CTNNA1: variants seen among roughly 807,000 people sequenced by gnomAD.
The protein encoded by CTNNA1 is catenin alpha-1.
A neutral mutation model predicts 98.4 loss-of-function variants in CTNNA1; 37 were observed. The ratio of observed to expected loss-of-function variants is 0.38; its 90% CI spans 0.29 to 0.49. CTNNA1 has a LOEUF of 0.49. Among genes scored for constraint, CTNNA1 ranks in the 20% least tolerant of loss-of-function variants. The pLI is 0.95. For synonymous variants in CTNNA1, 404 were observed against 413.2 expected, an observed-to-expected ratio of 0.98 and a Z score of 0.27; for missense variants, 761 against 1,147.2, an observed-to-expected ratio of 0.66 and a Z score of 4.86.
chr5:138,882,069 T>C (rs1753022663), intron 7 of CTNNA1, among the ~76,000 whole-genome samples: 1 of 152,224 alleles, frequency 6.6e-6, no homozygotes, highest in Non-Finnish European at 1.5e-5. Flanking sequence ...AATTGGTTAT[T>C]GGTTTCTCAT....
chr5:138,757,605 G>A (rs1295300576), intron 1 of CTNNA1, among the ~76,000 whole-genome samples: 1 of 152,130 alleles, frequency 6.6e-6, no homozygotes, highest in Non-Finnish European at 1.5e-5. Context: ...TTCGTTTCTG[G>A]TAGCAAATTT....
Position 138,874,946 on chromosome 5 carries a change from G to T in CTNNA1, c.1063-11266G>T. The T allele has an allele frequency of 6.2e-7, 1 of 1,612,804 alleles. No homozygotes were observed. ...CACATTGGAGGCTGCATTCAGTCGC[G>T]GTTGTTAGACTCAACGCAGTGAGTC... On this transcript the variant is annotated intron_variant, in intron 7 of 17. Transcript: ENST00000302763. The surrounding 1 kb of genome is among the most constrained non-coding windows in gnomAD (Gnocchi z 4.1).
At chr5:138,928,110 C>T (rs1764520223) in intron 13 of CTNNA1, among the ~76,000 whole-genome samples, 1 of 152,168 alleles carries the variant, frequency 6.6e-6, no homozygotes, top group Non-Finnish European at 1.5e-5. Context: ...TTGGGCTGGG[C>T]TTGGACTATG....
At chr5:138,877,987 T>A (rs1033420336) in intron 7 of CTNNA1, among the ~76,000 whole-genome samples, 3 of 152,188 alleles carry the variant, frequency 2.0e-5, no homozygotes, top group African/African-American at 7.2e-5. Context: ...GCCCTTAAAC[T>A]CTTGGTTTTT....
At chr5:138,844,204 C>T (rs4835708) in intron 7 of CTNNA1, among the ~76,000 whole-genome samples, 98,761 of 151,898 alleles carry the variant, frequency 0.65, 32,878 homozygotes, top group East Asian at 0.93. Flanking sequence ...CTGTGTTGCT[C>T]AGGCTGGTCT....
chr5:138,775,212 T>C (rs972894103), intron 1 of CTNNA1, among the ~76,000 whole-genome samples: 3 of 152,186 alleles, frequency 2.0e-5, no homozygotes, highest in East Asian at 1.9e-4. Flanking sequence ...TGCTAGGATA[T>C]GTAGGATCCA....
rs1168548486 is a variant in CTNNA1, at chr5:138,791,787, C to CTTT, written c.301+8433_301+8435dup. Among the ~76,000 whole-genome samples, 119 of 92,230 alleles carry CTTT rather than the reference C, an allele frequency of 1.3e-3. 2 individuals carry two copies. The highest frequency in any genetic ancestry group is 3.8e-3 in the African/African-American group (86 of 22,512). The allele number at this position is 92,230 out of a possible 152,430, so 60.5% of individuals were successfully genotyped here. A position where few individuals can be genotyped will look rare whatever the true frequency, so the allele number is the denominator to read the frequency against. ...ACTCTAATGGTACTTGTTTTCTCAG[C>CTTT]TTTTTTTTTTTTTTTTTTTTAGAGA... is the stretch of plus-strand genomic sequence containing the variant. On this transcript the variant is annotated intron_variant, in intron 3 of 17. Transcript: ENST00000302763.
intron 7 of CTNNA1, among the ~76,000 whole-genome samples, chr5:138,836,984 T>C (rs2149806703): frequency 6.6e-6 from 1 of 152,326 alleles, no homozygotes; most frequent in South Asian, 2.1e-4. Context: ...TCTTAGATTT[T>C]TAGGTTTTGT....
intron 1 of CTNNA1, among the ~76,000 whole-genome samples, chr5:138,756,130 C>G (rs542494981): frequency 6.6e-6 from 1 of 151,912 alleles, no homozygotes. Context: ...CCCGTGCCTC[C>G]TGGGTTCAAG....
In CTNNA1 at chr5:138,777,255, C is replaced by A. The variant is rs1307523494; in HGVS notation, c.-2-4668C>A. Among the ~76,000 whole-genome samples, 14 of 127,846 alleles carry A rather than the reference C, an allele frequency of 1.1e-4. No individual in the cohort carries two copies. The East Asian group carries it at 1.3e-3, about 12-fold the overall frequency. The allele number at this position is 127,846 out of a possible 152,430, so 83.9% of individuals were successfully genotyped here. A position where few individuals can be genotyped will look rare whatever the true frequency, so the allele number is the denominator to read the frequency against. On this transcript the variant is annotated intron_variant, in intron 1 of 17. Coordinates refer to ENST00000302763, the MANE Select transcript of CTNNA1 (RefSeq NM_001903.5). ...GCAGAGGCGCTCCCCACATCTCAGACGATGGGCGGCCGGGCAGAGACGCTC... is the reference window on the plus strand; with the variant it reads ...GCAGAGGCGCTCCCCACATCTCAGAAGATGGGCGGCCGGGCAGAGACGCTC...
intron 10 of CTNNA1, among the ~76,000 whole-genome samples, chr5:138,910,173 C>T (rs1185826427): frequency 6.7e-6 from 1 of 149,270 alleles, no homozygotes; most frequent in Admixed American, 6.7e-5. Flanking sequence ...TAAGGCTTGC[C>T]TGTTGCTTTG....
rs1554089793 is a variant in CTNNA1 at position 138,852,865 on chromosome 5, G to GTGCGCACGCGCACACACACA, written c.1062+25147_1062+25148insTGCGCACGCGCACACACACA. On this transcript the variant is annotated intron_variant, in intron 7 of 17. Coordinates refer to ENST00000302763, the MANE Select transcript of CTNNA1 (RefSeq NM_001903.5). ...CTGCTTCCCTTCCCTCTTTTCGCGC[G>GTGCGCACGCGCACACACACA]CGCGCGCACACACACATTTTTGCAT... is the stretch of plus-strand genomic sequence containing the variant. Among the ~76,000 whole-genome samples the GTGCGCACGCGCACACACACA allele has an allele frequency of 5.0e-3, 761 of 151,700 alleles. 13 individuals are homozygous for GTGCGCACGCGCACACACACA. The highest frequency in any genetic ancestry group is 0.042 in the East Asian group (212 of 5,106).
At chr5:138,883,898 A>G (rs878883542) in intron 7 of CTNNA1, among the ~76,000 whole-genome samples, 2 of 152,206 alleles carry the variant, frequency 1.3e-5, no homozygotes, top group Admixed American at 1.3e-4. Flanking sequence ...AGATCCTGGT[A>G]TTTTGAGCTT....
At chr5:138,917,650 G>C in intron 10 of CTNNA1, 92 bp from the exon 11 acceptor site, 1 of 1,280,198 alleles carries the variant, frequency 7.8e-7, no homozygotes, top group Non-Finnish European at 1.1e-6. Flanking sequence ...TTAGGATAGA[G>C]CATGTGGTGT....
At chr5:138,858,300 T>A (rs533655941) in intron 7 of CTNNA1, among the ~76,000 whole-genome samples, 14 of 152,182 alleles carry the variant, frequency 9.2e-5, no homozygotes, top group African/African-American at 3.4e-4. Context: ...TTAATTTTTT[T>A]ATTTTTTATA....
chr5:138,876,492 A>G (rs550366945), intron 7 of CTNNA1, among the ~76,000 whole-genome samples: 3 of 152,322 alleles, frequency 2.0e-5, no homozygotes, highest in African/African-American at 7.2e-5. Flanking sequence ...TATAAATGCA[A>G]AAGATGTTTC....
At chr5:138,811,626 C>G (rs1348207509) in intron 4 of CTNNA1, among the ~76,000 whole-genome samples, 1 of 152,166 alleles carries the variant, frequency 6.6e-6, no homozygotes, top group Non-Finnish European at 1.5e-5. Flanking sequence ...AGCCTGGGCA[C>G]TGTTGAGCAC....
In CTNNA1 at chr5:138,769,745, C is replaced by G. The variant is rs545410829; in HGVS notation, c.-2-12178C>G. 1.6e-4 allele frequency among the ~76,000 whole-genome samples: 24 copies of G among 152,128 alleles called. No individual in the cohort carries two copies. The South Asian group carries it at 4.6e-3, about 29-fold the overall frequency. ...ACAGGGTTTCTCCCTGTTGATCAGG[C>G]TGGTCTCGAACTCCCGACCTCAGGT... On this transcript the variant is annotated intron_variant, in intron 1 of 17. Transcript: ENST00000302763.
chr5:138,814,076 A>G (rs1361636973), intron 5 of CTNNA1, among the ~76,000 whole-genome samples: 1 of 152,232 alleles, frequency 6.6e-6, no homozygotes, highest in African/African-American at 2.4e-5. Flanking sequence ...GGCACTAAGA[A>G]GGCCCTTCTC....
Sources: gnomAD v4.1 joint callset for allele counts (sites outside exome capture counted in the v4.1 genomes callset) on GRCh38, gnomAD v4.1.1 for gene constraint, Gnocchi (gnomAD v3.1) non-coding constraint, MANE v1.5 for transcripts, NCBI Gene and HGNC (gene_info 2026-07-23, HGNC 2026-07-21) for gene names.